Variants in RXFP2 observed in about 807,000 individuals in gnomAD.
The protein encoded by RXFP2 is relaxin receptor 2.
A neutral mutation model predicts 88.6 loss-of-function variants in RXFP2; 68 were observed. That is an observed-to-expected ratio of 0.77 (90% CI 0.63 to 0.94). The LOEUF (loss-of-function observed/expected upper bound fraction) is 0.94. RXFP2 is among the 40% of genes least tolerant of loss of function. The probability of loss-of-function intolerance (pLI) is 0.00; values close to 1 mark genes in which losing one functional copy is unlikely to be tolerated. For synonymous variants in RXFP2, 329 were observed against 306.8 expected (o/e 1.07, Z -0.76); for missense variants, 791 against 893.9 (o/e 0.88, Z 1.47).
At chr13:31,758,500 C>T in intron 2 of RXFP2, 96 bp downstream of exon 2, 1 of 1,419,058 alleles carries the variant, frequency 7.0e-7, no homozygotes, top group African/African-American at 1.4e-5. Context: ...ACTAGGAAAG[C>T]TGATTTGGTG....
chr13:31,764,422 CAGATAGATAGATCTTTGGTTAT>C (rs1872456983), intron 3 of RXFP2, among the ~76,000 whole-genome samples: 2 of 152,154 alleles, frequency 1.3e-5, no homozygotes, highest in East Asian at 3.8e-4. Context: ...CTGAATGCTT[CAGATAGATAGATCTTTGGTTAT>C]TTCAGCTTTG....
At chr13:31,780,762 C>T (rs1470504201) in intron 9 of RXFP2, among the ~76,000 whole-genome samples, 1 of 152,202 alleles carries the variant, frequency 6.6e-6, no homozygotes, top group Non-Finnish European at 1.5e-5. Context: ...TGGGATGCCA[C>T]TGACCTGCAG....
intron 16 of RXFP2, among the ~76,000 whole-genome samples, chr13:31,795,656 C>A (rs551382456): frequency 6.6e-6 from 1 of 152,150 alleles, no homozygotes; most frequent in African/African-American, 2.4e-5. Context: ...TAACAGATCA[C>A]CTTGAATTTA....
intron 2 of RXFP2, among the ~76,000 whole-genome samples, chr13:31,759,645 T>C (rs574526542): frequency 1.1e-4 from 16 of 152,254 alleles, no homozygotes; most frequent in Non-Finnish European, 1.9e-4. Context: ...CCTCTGTTTA[T>C]TGAAACCTAA....
chr13:31,794,202 T>TA (rs926280911), intron 16 of RXFP2, among the ~76,000 whole-genome samples: 11 of 152,176 alleles, frequency 7.2e-5, no homozygotes, highest in African/African-American at 2.7e-4. Flanking sequence ...TGCACCACTT[T>TA]AGTAATACCC....
chr13:31,751,072 C>A (rs1326171261), intron 1 of RXFP2, among the ~76,000 whole-genome samples: 1 of 151,980 alleles, frequency 6.6e-6, no homozygotes, highest in Admixed American at 6.6e-5. Flanking sequence ...GGTGGATCAT[C>A]TGAGGTCAGG....
At chr13:31,794,244 G>A (rs189562266) in intron 16 of RXFP2, among the ~76,000 whole-genome samples, 1 of 152,040 alleles carries the variant, frequency 6.6e-6, no homozygotes, top group Non-Finnish European at 1.5e-5. Flanking sequence ...TAGTTATTTG[G>A]TCATAGATAT....
intron 1 of RXFP2, among the ~76,000 whole-genome samples, chr13:31,750,319 T>G (rs1413505324): frequency 6.6e-6 from 1 of 152,136 alleles, no homozygotes; most frequent in Non-Finnish European, 1.5e-5. Flanking sequence ...AAGCCAAATG[T>G]ATTCCTTTGA....
intron 5 of RXFP2, among the ~76,000 whole-genome samples, chr13:31,767,225 C>T (rs895890338): frequency 3.3e-5 from 5 of 152,186 alleles, no homozygotes; most frequent in African/African-American, 7.2e-5. Context: ...AAGTCCATGA[C>T]GTAGAACCTT....
At chr13:31,755,195 G>A (rs1871883095) in intron 1 of RXFP2, among the ~76,000 whole-genome samples, 1 of 152,212 alleles carries the variant, frequency 6.6e-6, no homozygotes, top group Non-Finnish European at 1.5e-5. Flanking sequence ...GAGTGTCTCT[G>A]AGGTGCATTA....
At position 31,751,674 on chromosome 13, in the gene RXFP2, T is replaced by C. The variant is rs79141965; in HGVS notation, c.95-6584T>C. Among the ~76,000 whole-genome samples, 507 of 152,300 alleles carry C rather than the reference T, an allele frequency of 3.3e-3. 5 individuals are homozygous for C. Among genetic ancestry groups the C allele is most frequent in the African/African-American group, 0.011 (462 of 41,572 alleles). On this transcript the variant is annotated intron_variant, in intron 1 of 17. Coordinates refer to ENST00000298386, the MANE Select transcript of RXFP2 (RefSeq NM_130806.5). ...AAGTTCCATGGGACATAGCAGTCAA[T>C]GAATCAGAGAAGAATTAAAAGAGAG...
At chr13:31,761,611 TA>T in intron 2 of RXFP2, 112 bp from the exon 3 acceptor site, 1 of 716,790 alleles carries the variant, frequency 1.4e-6, no homozygotes, top group South Asian at 1.5e-5. Flanking sequence ...AAAATATCAA[TA>T]ATTCTATTAC....
chr13:31,802,230 T>G lies in RXFP2; in HGVS notation c.2090T>G (p.Phe697Cys). 1.9e-6 allele frequency: 3 copies of G among 1,614,086 alleles called. No homozygotes were observed. Among genetic ancestry groups the G allele is most frequent in the Non-Finnish European group, 2.5e-6 (3 of 1,179,984 alleles). ...ATCCTCTATACTCTCACAACCAACT[T>G]TTTTAAGGACAAGTTGAAACAGCTG... ...NPILYTLTTN[F>C]FKDKLKQLLH... Residue 697 changes from phenylalanine to cysteine, a missense_variant, in exon 18 of 18, where the codon TTT (phenylalanine) becomes TGT (cysteine). Coordinates refer to ENST00000298386, the MANE Select transcript of RXFP2 (RefSeq NM_130806.5).
At chr13:31,747,257 T>C (rs768087944) in intron 1 of RXFP2, among the ~76,000 whole-genome samples, 1 of 152,072 alleles carries the variant, frequency 6.6e-6, no homozygotes, top group South Asian at 2.1e-4. Context: ...CCTTACCCCA[T>C]CCTACATAGA....
Position 31,791,942 on chromosome 13 carries a change from A to T in RXFP2, c.1282A>T (p.Ile428Phe), listed in dbSNP as rs1210529608. 1 of 1,614,134 alleles carries T rather than the reference A, an allele frequency of 6.2e-7. No individual in the cohort carries two copies. Among genetic ancestry groups the T allele is most frequent in the East Asian group, 2.2e-5 (1 of 44,874 alleles). Residue 428 changes from isoleucine (I) to phenylalanine (F), a missense_variant, in exon 15 of 18, where the codon ATT (isoleucine) becomes TTT (phenylalanine). Ile to Phe is a conservative substitution (Grantham distance 21). Transcript: ENST00000298386. Reference sequence around the variant, plus strand: ...AATATTTGTCTGGGTTATAGCTTTCATTACCTGCTTTGGAAATCTTTTTGT... The same window carrying T: ...AATATTTGTCTGGGTTATAGCTTTCTTTACCTGCTTTGGAAATCTTTTTGT... Reference protein sequence around the residue: ...LRIFVWVIAFITCFGNLFVIG... With the variant: ...LRIFVWVIAFFTCFGNLFVIG...
intron 5 of RXFP2, among the ~76,000 whole-genome samples, chr13:31,769,827 G>A (rs1185020747): frequency 6.6e-6 from 1 of 152,130 alleles, no homozygotes; most frequent in Non-Finnish European, 1.5e-5. Context: ...GTTTCATCCT[G>A]TTAGAGTCAG....
chr13:31,780,823 G>A (rs1439424935), intron 9 of RXFP2, among the ~76,000 whole-genome samples: 1 of 152,190 alleles, frequency 6.6e-6, no homozygotes, highest in Non-Finnish European at 1.5e-5. Context: ...AGACATCAGC[G>A]TGCATCGTAA....
chr13:31,760,094 T>TTGTG (rs1167935842), intron 2 of RXFP2, among the ~76,000 whole-genome samples: 2 of 151,294 alleles, frequency 1.3e-5, no homozygotes, highest in Non-Finnish European at 3.0e-5. Context: ...GTTTGTTTGT[T>TTGTG]TGTTTGTTTT....
rs1873808944 is a variant in RXFP2, at chr13:31,791,893, C to T, written c.1233C>T (p.Asp411=). ...PLTDGISSFE[D]LLANNILRIF... is the part of the protein sequence containing the mutation. Reference sequence around the variant, plus strand: ...CGGACGGCATTTCTTCATTTGAGGACCTCTTGGCTAACAATATCCTCAGAA... The same window carrying T: ...CGGACGGCATTTCTTCATTTGAGGATCTCTTGGCTAACAATATCCTCAGAA... The change falls in exon 15 of 18, where the codon GAC becomes GAT. Residue 411 remains aspartate, a synonymous_variant. Coordinates refer to ENST00000298386, the MANE Select transcript of RXFP2 (RefSeq NM_130806.5). The T allele has an allele frequency of 6.2e-7, 1 of 1,613,872 alleles. No individual in the cohort carries two copies. The highest frequency in any genetic ancestry group is 1.3e-5 in the African/African-American group (1 of 74,894).
Sources: allele counts gnomAD v4.1 joint callset (sites outside exome capture counted in the v4.1 genomes callset), GRCh38; gene constraint gnomAD v4.1.1; transcripts MANE v1.5; gene names NCBI Gene and HGNC (gene_info 2026-07-23, HGNC 2026-07-21).